The following NEB variants were observed in gnomAD, a reference collection of about 807,000 sequenced individuals.
The protein encoded by NEB is nebulin.
A neutral mutation model predicts 952.2 loss-of-function variants in NEB; 512 were observed. The ratio of observed to expected loss-of-function variants is 0.54; its 90% CI spans 0.50 to 0.58. NEB has a LOEUF of 0.58. Ranked by LOEUF, NEB falls within the 20% of genes least tolerant of loss-of-function variation. The probability of loss-of-function intolerance (pLI) is 0.00; values close to 1 mark genes in which losing one functional copy is unlikely to be tolerated. For synonymous variants in NEB, 2,900 were observed against 3,149.8 expected (o/e 0.92, Z 2.66); for missense variants, 8,428 against 9,231.1 (o/e 0.91, Z 3.56).
chr2:151,723,370 C>T lies in NEB; in HGVS notation c.717+12G>A. 6.3e-7 allele frequency: 1 copy of T among 1,593,446 alleles called. No homozygotes were observed. Among genetic ancestry groups the T allele is most frequent in the Non-Finnish European group, 8.6e-7 (1 of 1,167,384 alleles). ...CTGCACACCTAAGTGGTGCCACTTG[C>T]ATTTCACTTACATCACTGAGAGCTT... On this transcript the variant is annotated intron_variant, in intron 9 of 181. Coordinates refer to ENST00000397345, the MANE Select transcript of NEB (RefSeq NM_001164508.2).
At chr2:151,549,543 G>T in intron 130 of NEB, 93 bp downstream of exon 130, 1 of 840,296 alleles carries the variant, frequency 1.2e-6, no homozygotes, top group Non-Finnish European at 2.0e-6. Context: ...AACCTTGAGG[G>T]TGAGACTGGA....
intron 168 of NEB, among the ~76,000 whole-genome samples, chr2:151,500,193 AAAAAC>A (rs1475814497): frequency 4.6e-5 from 7 of 152,322 alleles, no homozygotes; most frequent in East Asian, 3.9e-4. Context: ...ATAGTAATTA[AAAAAC>A]AAAACAGAAC....
intron 166 of NEB, chr2:151,503,095 A>G: frequency 1.7e-6 from 1 of 586,904 alleles, no homozygotes; most frequent in Non-Finnish European, 3.0e-6. Flanking sequence ...GAAAGCATTA[A>G]GTTATATAAC....
chr2:151,535,843 TAAG>T (rs776179499), intron 141 of NEB, 48 bp from the exon 142 acceptor site: 1 of 987,774 alleles, frequency 1.0e-6, no homozygotes, highest in Non-Finnish European at 1.5e-6. Context: ...ATGATTATCT[TAAG>T]AATGAGACAT....
At chr2:151,533,818 A>G (rs1157012929) in intron 142 of NEB, among the ~76,000 whole-genome samples, 1 of 152,240 alleles carries the variant, frequency 6.6e-6, no homozygotes, top group Non-Finnish European at 1.5e-5. Flanking sequence ...AAAAGAAGAC[A>G]TCTTTGGAAT....
intron 153 of NEB, among the ~76,000 whole-genome samples, chr2:151,522,481 A>G (rs2082562516): frequency 2.0e-5 from 3 of 152,216 alleles, no homozygotes; most frequent in Admixed American, 2.0e-4. Flanking sequence ...ATACACATAC[A>G]TTAGGAGTCC....
intron 14 of NEB, 36 bp downstream of exon 14, chr2:151,697,508 T>C (rs2099605005): frequency 6.2e-7 from 1 of 1,607,648 alleles, no homozygotes; most frequent in Non-Finnish European, 8.5e-7. Context: ...AATGGGTTCT[T>C]TTTTTAACAG....
rs1159139272 is a variant in NEB, at chr2:151,725,095, G to C, written c.403-134C>G. 7.2e-6 allele frequency: 5 copies of C among 692,014 alleles called. No homozygotes were observed. In the South Asian group the frequency reaches 9.6e-5, roughly 13 times the overall value. The allele number at this position is 692,014 out of a possible 1,614,324, so 42.9% of individuals were successfully genotyped here. ...CACAAAGCATAGTTTCTGCATTTTA[G>C]CTGGAAAAATGTGATCTTCAAAGAA... On this transcript the variant is annotated intron_variant, in intron 6 of 181. Transcript: ENST00000397345.
At chr2:151,637,703 GA>G (rs1213838787) in intron 63 of NEB, among the ~76,000 whole-genome samples, 3 of 152,136 alleles carry the variant, frequency 2.0e-5, no homozygotes, top group Non-Finnish European at 4.4e-5. Flanking sequence ...GACACAGGGG[GA>G]GCCCTTTGTT....
chr2:151,659,506 G>T (rs1360789878), intron 46 of NEB, among the ~76,000 whole-genome samples: 1 of 151,894 alleles, frequency 6.6e-6, no homozygotes, highest in East Asian at 1.9e-4. Flanking sequence ...TTGCCATGTT[G>T]CCCAGGCTGG....
intron 143 of NEB, among the ~76,000 whole-genome samples, chr2:151,532,500 A>C (rs2091834809): frequency 6.6e-6 from 1 of 152,208 alleles, no homozygotes; most frequent in South Asian, 2.1e-4. Context: ...TTTTCAAGTC[A>C]TAATTATTTT....
Position 151,636,798 on chromosome 2 carries a change from C to CAAAAA in NEB, c.8995-469_8995-465dup. 2.1e-5 allele frequency among the ~76,000 whole-genome samples: 3 copies of CAAAAA among 142,658 alleles called. No homozygotes were observed. The South Asian group carries it at 6.6e-4, about 32-fold the overall frequency. 93.6% of individuals were successfully genotyped at this position (142,658 alleles called of 152,430 possible). ...CTCCATCTCAAAAAACAAAACAAAA[C>CAAAAA]AAAAAAAAAAGATACCCATAAAGCC... On this transcript the variant is annotated intron_variant, in intron 63 of 181. Coordinates refer to ENST00000397345, the MANE Select transcript of NEB (RefSeq NM_001164508.2).
intron 54 of NEB, among the ~76,000 whole-genome samples, chr2:151,649,264 C>T (rs1359944052): frequency 6.6e-6 from 1 of 152,082 alleles, no homozygotes; most frequent in East Asian, 1.9e-4. Context: ...TGGAAATCAG[C>T]ATTATAAAAA....
In NEB at chr2:151,627,744, G is replaced by A. The variant is rs1369787156; in HGVS notation, c.9922C>T (p.His3308Tyr). Reference protein sequence around the residue: ...EDDPKMMWSMHVAKIQSDREY... With the variant: ...EDDPKMMWSMYVAKIQSDREY... ...CTGTCACTCTGGATCTTGGCCACATGCATGGACCACATCATCTTGGGGTCA... is the reference window on the plus strand; with the variant it reads ...CTGTCACTCTGGATCTTGGCCACATACATGGACCACATCATCTTGGGGTCA... The change falls in exon 69 of 182, where the codon CAT becomes TAT. Residue 3308 changes from histidine (H) to tyrosine (Y), a missense_variant. By Grantham distance (83) the His-to-Tyr change is moderately conservative. This residue lies in a region of NEB where 1,772 missense variants were observed against 1,960.3 expected (regional missense o/e 0.90). Transcript: ENST00000397345. 1 of 1,613,922 alleles carries A rather than the reference G, an allele frequency of 6.2e-7. No individual in the cohort carries two copies. Among genetic ancestry groups the A allele is most frequent in the Admixed American group, 1.7e-5 (1 of 60,022 alleles).
chr2:151,703,911 G>C (rs748386782), intron 13 of NEB, among the ~76,000 whole-genome samples: 2 of 134,240 alleles, frequency 1.5e-5, no homozygotes, highest in African/African-American at 2.8e-5. Flanking sequence ...GAGGAACTGC[G>C]TTCCTTTGGA....
rs148589314 is a variant in NEB, at chr2:151,495,950, C to T, written c.24486+326G>A. Among the ~76,000 whole-genome samples the T allele has an allele frequency of 6.8e-4, 103 of 152,290 alleles. 1 individual carries two copies. Among genetic ancestry groups the T allele is most frequent in the African/African-American group, 2.4e-3 (101 of 41,556 alleles). On this transcript the variant is annotated intron_variant, in intron 173 of 181. Coordinates refer to ENST00000397345, the MANE Select transcript of NEB (RefSeq NM_001164508.2). ...GCATTGGACCTACTCCACCACCCCA[C>T]ACGTACCCGTCCTAAATTTCAAGCA...
rs2096823537 is a variant in NEB, at chr2:151,576,219, T to TA, written c.16839dup (p.Lys5614Ter). On this transcript the variant is annotated frameshift_variant, in exon 106 of 182. Transcript: ENST00000397345. LOFTEE classifies it high-confidence loss of function. ...GGTGTGTCAACAATGCTTGTGTACT[T>TA]AAGGTTCACCACAGGCGTCCGATAG... 6.2e-7 allele frequency: 1 copy of TA among 1,611,468 alleles called. No homozygotes were observed. The highest frequency in any genetic ancestry group is 1.3e-5 in the African/African-American group (1 of 74,822).
In NEB at chr2:151,485,541, A is replaced by G; in HGVS notation, c.*219T>C. The G allele has an allele frequency of 2.5e-6, 1 of 401,470 alleles. No individual in the cohort carries two copies. Among genetic ancestry groups the G allele is most frequent in the Non-Finnish European group, 4.4e-6 (1 of 227,746 alleles). The allele number at this position is 401,470 out of a possible 1,614,324, so 24.9% of individuals were successfully genotyped here. A position where few individuals can be genotyped will look rare whatever the true frequency, so the allele number is the denominator to read the frequency against. On this transcript the variant is annotated 3_prime_UTR_variant, in exon 182 of 182. Transcript: ENST00000397345. ...GTTAAAACATGTTTATAATGGAGAA[A>G]GACTCTAGGCACAGAAATAATATTG...
intron 65 of NEB, 36 bp from the exon 66 acceptor site, chr2:151,631,382 A>G (rs773697431): frequency 2.3e-5 from 37 of 1,580,644 alleles, no homozygotes; most frequent in Non-Finnish European, 3.0e-5. Flanking sequence ...CTCTTCATCA[A>G]GACCACAATA....
Sources: allele counts gnomAD v4.1 joint callset (sites outside exome capture counted in the v4.1 genomes callset), GRCh38; gene constraint gnomAD v4.1.1; regional missense constraint gnomAD v4.1.1; transcripts MANE v1.5; gene names NCBI Gene and HGNC (gene_info 2026-07-23, HGNC 2026-07-21).